Variants in CAMTA1 observed in about 807,000 individuals in gnomAD.
The protein encoded by CAMTA1 is calmodulin binding transcription activator 1.
In CAMTA1, 27 loss-of-function variants were observed where a neutral mutation model predicts 170.9. The ratio of observed to expected loss-of-function variants is 0.16; its 90% CI spans 0.12 to 0.22. The LOEUF (loss-of-function observed/expected upper bound fraction) is 0.22. Among genes scored for constraint, CAMTA1 ranks in the 10% least tolerant of loss-of-function variants. CAMTA1 has a pLI of 1.00. For synonymous variants in CAMTA1, 833 were observed against 891.5 expected (o/e 0.93, Z 1.17); for missense variants, 1,619 against 2,217.2 (o/e 0.73, Z 5.42).
chr1:7,298,592 T>G (rs956848905), intron 5 of CAMTA1, among the ~76,000 whole-genome samples: 1 of 152,306 alleles, frequency 6.6e-6, no homozygotes, highest in Non-Finnish European at 1.5e-5. Context: ...AGATTTTTGT[T>G]TCTAAAGGGC....
At chr1:7,354,756 C>T (rs2084966941) in intron 5 of CAMTA1, among the ~76,000 whole-genome samples, 1 of 152,170 alleles carries the variant, frequency 6.6e-6, no homozygotes, top group Non-Finnish European at 1.5e-5. Flanking sequence ...AATAATCGTC[C>T]TTCTGACAGG....
rs2094532065 is a variant in CAMTA1, at chr1:7,534,982, G to A, written c.510+67081G>A. ...GAGGAGGGGAAGGGAGTGAAGGAGA[G>A]AGGAGGGGAGGGGAGGGCTAGGAAG... On this transcript the variant is annotated intron_variant, in intron 6 of 22. Coordinates refer to ENST00000303635, the MANE Select transcript of CAMTA1 (RefSeq NM_015215.4). This position sits in a 1 kb window ranked among gnomAD's most constrained non-coding sequence, Gnocchi z 5.6. Among the ~76,000 whole-genome samples, 1 of 152,084 alleles carries A rather than the reference G, an allele frequency of 6.6e-6. No individual in the cohort carries two copies.
At chr1:7,657,605 C>T (rs753339099) in intron 7 of CAMTA1, among the ~76,000 whole-genome samples, 1 of 152,106 alleles carries the variant, frequency 6.6e-6, no homozygotes, top group Non-Finnish European at 1.5e-5. Flanking sequence ...TGGCTATTAA[C>T]CTTCCTTTCA....
In CAMTA1 at chr1:7,769,662, A is replaced by G. The variant is rs1577557472; in HGVS notation, c.*3171A>G. 6.6e-6 allele frequency: 1 copy of G among 152,536 alleles called. No homozygotes were observed. The highest frequency in any genetic ancestry group is 1.9e-4 in the East Asian group (1 of 5,344). The allele number at this position is 152,536 out of a possible 1,614,324, so 9.4% of individuals were successfully genotyped here. ...ATGGAAAATGTTTTCTGAATGCTTT[A>G]TATTCTTTCTGCTGTAAATTAAAAA... On this transcript the variant is annotated 3_prime_UTR_variant, in exon 23 of 23. Transcript: ENST00000303635.
intron 5 of CAMTA1, among the ~76,000 whole-genome samples, chr1:7,268,972 T>C (rs1669312402): frequency 6.6e-6 from 1 of 152,236 alleles, no homozygotes; most frequent in Non-Finnish European, 1.5e-5. Context: ...GAGAATTCTT[T>C]GAATTGGACA....
chr1:7,366,000 C>T (rs2085938598), intron 5 of CAMTA1, among the ~76,000 whole-genome samples: 2 of 152,324 alleles, frequency 1.3e-5, no homozygotes, highest in South Asian at 2.1e-4. Context: ...TATCACATGC[C>T]GAGCCCACTG....
intron 5 of CAMTA1, among the ~76,000 whole-genome samples, chr1:7,402,952 G>A (rs1350606379): frequency 6.6e-6 from 1 of 152,164 alleles, no homozygotes; most frequent in African/African-American, 2.4e-5. Context: ...ATGGTACCTG[G>A]TACAGAGTAA....
intron 6 of CAMTA1, among the ~76,000 whole-genome samples, chr1:7,550,479 C>T (rs1418719484): frequency 6.6e-6 from 1 of 151,754 alleles, no homozygotes; most frequent in Non-Finnish European, 1.5e-5. Flanking sequence ...CCTCCCTGGC[C>T]CTGGCCACCT....
At position 6,971,270 on chromosome 1, in the gene CAMTA1, T is replaced by C. The variant is rs368996683; in HGVS notation, c.235-120034T>C. Among the ~76,000 whole-genome samples, 6 of 152,306 alleles carry C rather than the reference T, an allele frequency of 3.9e-5. No homozygotes were observed. In the East Asian group the frequency reaches 7.7e-4, roughly 20 times the overall value. On this transcript the variant is annotated intron_variant, in intron 3 of 22. Transcript: ENST00000303635. This position sits in a 1 kb window ranked among gnomAD's most constrained non-coding sequence, Gnocchi z 4.6. The stretch of plus-strand genomic sequence containing the variant: ...ACGTGGCTGTCTGGGAGTGGGAGTA[T>C]TTATAGCAACGCCTCTTTTGCTGGA...
At chr1:7,283,020 C>G (rs1266994244) in intron 5 of CAMTA1, among the ~76,000 whole-genome samples, 1 of 152,094 alleles carries the variant, frequency 6.6e-6, no homozygotes, top group African/African-American at 2.4e-5. Context: ...TTGGAACAAC[C>G]TAACTCTTCA....
chr1:7,012,123 T>G (rs1699890117), intron 3 of CAMTA1, among the ~76,000 whole-genome samples: 1 of 152,146 alleles, frequency 6.6e-6, no homozygotes, highest in Non-Finnish European at 1.5e-5. Flanking sequence ...CCTGCGGGTG[T>G]GCTGATGTCA....
chr1:6,982,583 C>T lies in CAMTA1; in HGVS notation c.235-108721C>T, dbSNP rs541515940. 1.6e-3 allele frequency among the ~76,000 whole-genome samples: 239 copies of T among 152,308 alleles called. 1 individual carries two copies. The highest frequency in any genetic ancestry group is 2.9e-3 in the Non-Finnish European group (195 of 68,026). Reference sequence around the variant, plus strand: ...ACCCTCGGGAGGCCCTTAGCTACTTCTTAAGTGTCCCAAGTACTTGTCTCA... The same window carrying T: ...ACCCTCGGGAGGCCCTTAGCTACTTTTTAAGTGTCCCAAGTACTTGTCTCA... On this transcript the variant is annotated intron_variant, in intron 3 of 22. Coordinates refer to ENST00000303635, the MANE Select transcript of CAMTA1 (RefSeq NM_015215.4).
intron 6 of CAMTA1, among the ~76,000 whole-genome samples, chr1:7,559,197 A>G (rs1384712748): frequency 1.3e-5 from 2 of 152,166 alleles, no homozygotes; most frequent in Admixed American, 1.3e-4. Context: ...CCCGAGTGGT[A>G]GCCATTCTCC....
chr1:7,496,032 G>A (rs1225700803), intron 6 of CAMTA1, among the ~76,000 whole-genome samples: 1 of 152,070 alleles, frequency 6.6e-6, no homozygotes, highest in Non-Finnish European at 1.5e-5. Context: ...CTCTATCCTG[G>A]CCCAGGGCCA....
intron 4 of CAMTA1, among the ~76,000 whole-genome samples, chr1:7,184,459 G>A (rs531769004): frequency 6.6e-6 from 1 of 152,190 alleles, no homozygotes; most frequent in East Asian, 1.9e-4. Flanking sequence ...TTGCATGCCT[G>A]TATCAAAATG....
intron 3 of CAMTA1, among the ~76,000 whole-genome samples, chr1:7,038,896 C>T (rs975036621): frequency 5.3e-5 from 8 of 151,894 alleles, no homozygotes; most frequent in South Asian, 2.1e-4. Flanking sequence ...AAAAATTAGC[C>T]GGTCATAGTG....
chr1:7,191,784 C>T (rs537831645), intron 4 of CAMTA1, among the ~76,000 whole-genome samples: 1 of 152,298 alleles, frequency 6.6e-6, no homozygotes, highest in East Asian at 1.9e-4. Context: ...TGCTGGTTTG[C>T]AGTCCCCAGG....
Position 6,825,101 on chromosome 1 carries a change from G to A in CAMTA1, c.125G>A (p.Gly42Glu). Residue 42 changes from glycine (G) to glutamate (E), a missense_variant, in exon 3 of 23, where the codon GGG becomes GAG. By Grantham distance (98) the Gly-to-Glu change is moderately conservative. Coordinates refer to ENST00000303635, the MANE Select transcript of CAMTA1 (RefSeq NM_015215.4). ...NTVPPIEDDH[G>E]NSNSSHVKIF... ...GTTTTCTTCTTTGTAGATGATCATG[G>A]GAACAGCAATAGTAGTCATGTAAAA... The A allele has an allele frequency of 6.4e-7, 1 of 1,561,606 alleles. No individual in the cohort carries two copies.
intron 4 of CAMTA1, among the ~76,000 whole-genome samples, chr1:7,107,301 T>TGC (rs1553247659): frequency 2.6e-5 from 4 of 151,046 alleles, no homozygotes; most frequent in Non-Finnish European, 5.9e-5. Flanking sequence ...TGTGTGTGTG[T>TGC]GCGCGCCCAC....
Sources: gnomAD v4.1 joint callset for allele counts (sites outside exome capture counted in the v4.1 genomes callset) on GRCh38, gnomAD v4.1.1 for gene constraint, Gnocchi (gnomAD v3.1) non-coding constraint, MANE v1.5 for transcripts, NCBI Gene and HGNC (gene_info 2026-07-23, HGNC 2026-07-21) for gene names.